Variants in SNAPC3 observed in about 807,000 individuals in gnomAD.
The protein encoded by SNAPC3 is snRNA-activating protein complex subunit 3.
A neutral mutation model predicts 47.7 loss-of-function variants in SNAPC3; 56 were observed. The observed-to-expected ratio is 1.18, with a 90% CI of 0.95 to 1.47. SNAPC3 has a LOEUF of 1.47. Ranked by LOEUF, SNAPC3 falls within the 40% of genes most tolerant of loss-of-function variation. The probability of loss-of-function intolerance (pLI) is 0.00; values close to 1 mark genes in which losing one functional copy is unlikely to be tolerated. For missense variants in SNAPC3, 665 were observed against 511.3 expected (o/e 1.30, Z -2.90); for synonymous variants, 235 against 189.9 (o/e 1.24, Z -1.95).
downstream of SNAPC3, chr9:15,461,718 T>C (rs2035237335): frequency 6.6e-6 from 1 of 152,226 alleles, no homozygotes; most frequent in Admixed American, 6.5e-5. Context: ...TATAAGCCTA[T>C]GTGTTTGACA....
intron 2 of SNAPC3, among the ~76,000 whole-genome samples, chr9:15,432,708 A>G (rs1368156310): frequency 1.3e-5 from 2 of 152,208 alleles, no homozygotes; most frequent in African/African-American, 2.4e-5. Context: ...ATGGGAGGAA[A>G]GAGGCAGGTC....
chr9:15,428,111 C>CAAAAAA (rs34074367), intron 2 of SNAPC3, among the ~76,000 whole-genome samples: 1 of 73,016 alleles, frequency 1.4e-5, no homozygotes, highest in Admixed American at 1.8e-4. Context: ...ACTCTGTCTC[C>CAAAAAA]AAAAAAAAAA....
downstream of SNAPC3, chr9:15,464,304 G>C (rs1220304537): frequency 1.5e-5 from 3 of 194,472 alleles, no homozygotes; most frequent in Non-Finnish European, 3.2e-5. Context: ...GTCATACAGA[G>C]ACGCTGGTCT....
At position 15,459,946 on chromosome 9, in the gene SNAPC3, C is replaced by G. The variant is rs2035079474; in HGVS notation, c.*80C>G. 7.6e-7 allele frequency: 1 copy of G among 1,316,722 alleles called. No individual in the cohort carries two copies. Among genetic ancestry groups the G allele is most frequent in the Admixed American group, 2.1e-5 (1 of 47,142 alleles). 81.6% of individuals were successfully genotyped at this position (1,316,722 alleles called of 1,614,324 possible). ...GTTACCTTATTTCTAAGAAACGCCA[C>G]TGAGGAACAGGATCCACTTTGAACA... On this transcript the variant is annotated 3_prime_UTR_variant, in exon 9 of 9. Transcript: ENST00000380821.
Position 15,461,534 on chromosome 9 carries a change from G to A in SNAPC3, c.*1668G>A, listed in dbSNP as rs912487886. ...TCAAATATTTTCTGGGAACCTTTAT[G>A]GGTAGAACATTTAATACTGTTTAGA... On this transcript the variant is annotated 3_prime_UTR_variant, in exon 9 of 9. Coordinates refer to ENST00000380821, the MANE Select transcript of SNAPC3 (RefSeq NM_001039697.2). The A allele has an allele frequency of 2.0e-5, 3 of 152,100 alleles. No homozygotes were observed. The highest frequency in any genetic ancestry group is 2.1e-4 in the South Asian group (1 of 4,816). The allele number at this position is 152,100 out of a possible 1,614,324, so 9.4% of individuals were successfully genotyped here.
intron 5 of SNAPC3, among the ~76,000 whole-genome samples, chr9:15,447,881 G>A: frequency 6.6e-6 from 1 of 152,144 alleles, no homozygotes; most frequent in Non-Finnish European, 1.5e-5. Flanking sequence ...GCTCTCAAAA[G>A]GAAAGAGAAG....
At chr9:15,429,880 A>G (rs913401774) in intron 2 of SNAPC3, among the ~76,000 whole-genome samples, 2 of 152,182 alleles carry the variant, frequency 1.3e-5, no homozygotes, top group African/African-American at 4.8e-5. Flanking sequence ...CCGAAAAGCT[A>G]AAAATAAAGG....
At position 15,447,097 on chromosome 9, in the gene SNAPC3, C is replaced by G; in HGVS notation, c.585C>G (p.His195Gln). 6.2e-7 allele frequency: 1 copy of G among 1,613,686 alleles called. No individual in the cohort carries two copies. The highest frequency in any genetic ancestry group is 8.5e-7 in the Non-Finnish European group (1 of 1,179,688). ...CTTATTTATTCTTTGACTTTTAGCA[C>G]AAAGAACACAAACCATACCAAACAA... Reference protein sequence around the residue: ...NILYPVIFHKHKEHKPYQTML... With the variant: ...NILYPVIFHKQKEHKPYQTML... The change falls in exon 5 of 9, where the codon CAC becomes CAG. Residue 195 changes from histidine (H) to glutamine (Q), a missense_variant and splice_region_variant. His to Gln is a conservative substitution (Grantham distance 24, BLOSUM62 0). Transcript: ENST00000380821.
intron 7 of SNAPC3, among the ~76,000 whole-genome samples, chr9:15,455,856 G>C (rs2034746391): frequency 6.6e-6 from 1 of 151,824 alleles, no homozygotes; most frequent in East Asian, 1.9e-4. Context: ...GTGCCACCTT[G>C]TCCGGCTAAT....
chr9:15,465,302 T>C (rs951712309), downstream of SNAPC3: 10 of 457,852 alleles, frequency 2.2e-5, no homozygotes, highest in East Asian at 1.8e-4. Context: ...TCTAAATGGA[T>C]TTTATCCCAC....
At chr9:15,465,708 CTT>C, downstream of SNAPC3, 1 of 712,038 alleles carries the variant, frequency 1.4e-6, no homozygotes, top group South Asian at 2.2e-5. Context: ...AAAAGAAAAA[CTT>C]GACTTGTTAT....
chr9:15,425,017 A>T (rs10081655), intron 2 of SNAPC3, among the ~76,000 whole-genome samples: 138,707 of 152,284 alleles, frequency 0.91, 63,421 homozygotes, highest in African/African-American at 0.95. Context: ...CGCCTGAGCA[A>T]GCCATTTTGC....
intron 2 of SNAPC3, among the ~76,000 whole-genome samples, chr9:15,427,726 A>G (rs2031608447): frequency 6.6e-6 from 1 of 152,210 alleles, no homozygotes; most frequent in African/African-American, 2.4e-5. Context: ...CCAAGAAAGC[A>G]CTGTTTACAG....
At chr9:15,426,849 A>G (rs2031470066) in intron 2 of SNAPC3, among the ~76,000 whole-genome samples, 2 of 152,170 alleles carry the variant, frequency 1.3e-5, no homozygotes, top group Admixed American at 6.5e-5. Context: ...GTATTCTTCA[A>G]CTGGGGTTAT....
chr9:15,445,256 G>C (rs949041875), intron 4 of SNAPC3, among the ~76,000 whole-genome samples: 2 of 152,206 alleles, frequency 1.3e-5, no homozygotes, highest in Non-Finnish European at 2.9e-5. Flanking sequence ...ATATATGCCT[G>C]ATTTCTGCAC....
intron 4 of SNAPC3, among the ~76,000 whole-genome samples, chr9:15,446,064 T>C (rs2033905934): frequency 6.6e-6 from 1 of 152,216 alleles, no homozygotes; most frequent in Non-Finnish European, 1.5e-5. Context: ...ATGAAGTAAC[T>C]TTTAGGAAAT....
At chr9:15,427,350 A>G (rs527317335) in intron 2 of SNAPC3, among the ~76,000 whole-genome samples, 1 of 152,008 alleles carries the variant, frequency 6.6e-6, no homozygotes, top group Non-Finnish European at 1.5e-5. Context: ...TTATTTGTTT[A>G]TTTATTTATT....
intron 2 of SNAPC3, among the ~76,000 whole-genome samples, chr9:15,432,405 C>G (rs2131783642): frequency 6.6e-6 from 1 of 152,210 alleles, no homozygotes; most frequent in East Asian, 1.9e-4. Context: ...ATACTGGTCT[C>G]TAAACACCTT....
At chr9:15,437,617 C>CTGTTGT (rs1332533226) in intron 3 of SNAPC3, among the ~76,000 whole-genome samples, 1 of 138,758 alleles carries the variant, frequency 7.2e-6, no homozygotes, top group Non-Finnish European at 1.5e-5. Context: ...AGGTAATGAT[C>CTGTTGT]TGTTGTTTTT....
Sources: allele counts gnomAD v4.1 joint callset (sites outside exome capture counted in the v4.1 genomes callset), GRCh38; gene constraint gnomAD v4.1.1; transcripts MANE v1.5; gene names NCBI Gene and HGNC (gene_info 2026-07-23, HGNC 2026-07-21).